MPO: variants seen among roughly 807,000 people sequenced by gnomAD.
MPO encodes myeloperoxidase.
MPO carries 57 observed loss-of-function variants against 69.4 expected under a neutral mutation model. The ratio of observed to expected loss-of-function variants is 0.82; its 90% CI spans 0.66 to 1.02. The LOEUF is 1.02. Among genes scored for constraint, MPO ranks in the 50% least tolerant of loss-of-function variants. The probability of loss-of-function intolerance (pLI) is 0.00; values close to 1 mark genes in which losing one functional copy is unlikely to be tolerated. For synonymous variants in MPO, 426 were observed against 417.1 expected (o/e 1.02, Z -0.26); for missense variants, 971 against 1,014.1 (o/e 0.96, Z 0.58).
rs376646525 is a variant in MPO at position 58,271,906 on chromosome 17, G to A, written c.1793-14C>T. The A allele has an allele frequency of 1.2e-6, 2 of 1,613,022 alleles. No individual in the cohort carries two copies. The highest frequency in any genetic ancestry group is 1.3e-5 in the African/African-American group (1 of 74,934). ...AGGCATTGTATCCTGCATGGGGGAG[G>A]GGACAGGTGGCTATGGGCAGGTCTC... On this transcript the variant is annotated splice_polypyrimidine_tract_variant and intron_variant, in intron 10 of 11. Transcript: ENST00000225275.
chr17:58,279,428 T>G lies in MPO; in HGVS notation c.549-2A>C. 1.2e-6 allele frequency: 2 copies of G among 1,610,934 alleles called. No homozygotes were observed. The highest frequency in any genetic ancestry group is 1.7e-6 in the Non-Finnish European group (2 of 1,178,918). ...GAGGCCCCCAGCGTGGGGCTGCGTC[T>G]GCAGGGGAGGACAGGGCGCTGACAC... On this transcript the variant is annotated splice_acceptor_variant, in intron 4 of 11. Coordinates refer to ENST00000225275, the MANE Select transcript of MPO (RefSeq NM_000250.2). LOFTEE classifies it high-confidence loss of function.
Position 58,280,405 on chromosome 17 carries a change from T to A in MPO, c.209A>T (p.Lys70Met), listed in dbSNP as rs764683005. Reference sequence around the variant, plus strand: ...CTTGTAGGCCTTGTCCACCAGCTGCTTGGCCTCCTCCATGGAGCTCAGCAC... The same window carrying A: ...CTTGTAGGCCTTGTCCACCAGCTGCATGGCCTCCTCCATGGAGCTCAGCAC... The part of the protein sequence containing the change: ...SLVLSSMEEA[K>M]QLVDKAYKER... The change falls in exon 2 of 12, where the codon AAG becomes ATG. Residue 70 changes from lysine to methionine, a missense_variant. Transcript: ENST00000225275. 4.3e-6 allele frequency: 7 copies of A among 1,614,114 alleles called. No individual in the cohort carries two copies. The highest frequency in any genetic ancestry group is 5.9e-6 in the Non-Finnish European group (7 of 1,180,000).
intron 8 of MPO, chr17:58,274,281 T>C (rs955972412): frequency 2.2e-6 from 1 of 458,136 alleles, no homozygotes; most frequent in African/African-American, 2.0e-5. Context: ...TGAATTTCAC[T>C]TGAGTTCTTA....
rs1224366988 is a variant in MPO, at chr17:58,280,934, T to A, written c.-176A>T. The A allele has an allele frequency of 1.4e-6, 1 of 693,152 alleles. No homozygotes were observed. The highest frequency in any genetic ancestry group is 1.8e-5 in the African/African-American group (1 of 55,438). 42.9% of individuals were successfully genotyped at this position (693,152 alleles called of 1,614,324 possible). A position where few individuals can be genotyped will look rare whatever the true frequency, so the allele number is the denominator to read the frequency against. ...CACCTCCACAGCTCACCTGATATTGTCAGCTCCTCTTAGCTCAATCTGCGC... is the reference window on the plus strand; with the variant it reads ...CACCTCCACAGCTCACCTGATATTGACAGCTCCTCTTAGCTCAATCTGCGC... On this transcript the variant is annotated 5_prime_UTR_variant, in exon 1 of 12. Transcript: ENST00000225275.
In MPO at chr17:58,278,445, T is replaced by C. The variant is rs564960249; in HGVS notation, c.886-300A>G. On this transcript the variant is annotated intron_variant, in intron 6 of 11. Coordinates refer to ENST00000225275, the MANE Select transcript of MPO (RefSeq NM_000250.2). ...CTCCCCTTCTCTCTGCTGTGCCTGCTCTCCCTCTGGCCCTGACATTCTCCT... is the reference window on the plus strand; with the variant it reads ...CTCCCCTTCTCTCTGCTGTGCCTGCCCTCCCTCTGGCCCTGACATTCTCCT... 2.0e-5 allele frequency among the ~76,000 whole-genome samples: 3 copies of C among 152,076 alleles called. No homozygotes were observed. The South Asian group carries it at 6.2e-4, about 32-fold the overall frequency.
intron 8 of MPO, chr17:58,274,114 G>T: frequency 4.3e-6 from 2 of 467,750 alleles, no homozygotes; most frequent in South Asian, 1.5e-5. Context: ...TGCCCACCAA[G>T]TGCCTGCCCA....
intron 3 of MPO, 69 bp downstream of exon 3, chr17:58,279,770 G>A (rs1467925948): frequency 1.2e-6 from 2 of 1,612,986 alleles, no homozygotes; most frequent in African/African-American, 1.3e-5. Flanking sequence ...GGATCACTGA[G>A]AGACGGCTGG....
At chr17:58,276,150 G>A (rs965704227) in intron 7 of MPO, among the ~76,000 whole-genome samples, 3 of 152,232 alleles carry the variant, frequency 2.0e-5, no homozygotes, top group South Asian at 2.1e-4. Flanking sequence ...TCCAAGGAGT[G>A]TCTGGGAAGA....
intron 6 of MPO, 163 bp downstream of exon 6, chr17:58,278,845 G>A (rs1970473318): frequency 1.1e-6 from 1 of 872,582 alleles, no homozygotes; most frequent in Non-Finnish European, 1.8e-6. Context: ...GCGCAGGAAG[G>A]AGACAGGTCA....
rs751674222 is a variant in MPO at position 58,279,992 on chromosome 17, C to T, written c.271G>A (p.Gly91Ser). 2.5e-6 allele frequency: 4 copies of T among 1,613,410 alleles called. No individual in the cohort carries two copies. Among genetic ancestry groups the T allele is most frequent in the Admixed American group, 3.3e-5 (2 of 60,026 alleles). The change falls in exon 3 of 12, where the codon GGC becomes AGC. Residue 91 changes from glycine to serine, a missense_variant. By Grantham distance (56) the Gly-to-Ser change is moderately conservative. Transcript: ENST00000225275. The stretch of plus-strand genomic sequence containing the variant: ...AGGAGTTCCATGGGGCTGGCTGAGC[C>T]GCTGCGAAGCCGCTGCTTGATGCTG... Reference protein sequence around the residue: ...RESIKQRLRSGSASPMELLSY... With the variant: ...RESIKQRLRSSSASPMELLSY...
At chr17:58,280,084 G>A (rs1970497186) in intron 2 of MPO, 70 bp from the exon 3 acceptor site, 1 of 1,593,246 alleles carries the variant, frequency 6.3e-7, no homozygotes, top group Non-Finnish European at 8.5e-7. Context: ...CCCAGCCCAG[G>A]GGCAGACATG....
intron 10 of MPO, among the ~76,000 whole-genome samples, chr17:58,272,245 G>A (rs55915315): frequency 6.6e-6 from 1 of 152,186 alleles, no homozygotes; most frequent in East Asian, 1.9e-4. Context: ...CCCATGAGAG[G>A]TGAAATGTGT....
intron 7 of MPO, among the ~76,000 whole-genome samples, chr17:58,276,696 C>T (rs774186859): frequency 5.9e-5 from 9 of 152,304 alleles, no homozygotes; most frequent in South Asian, 2.1e-4. Context: ...GCAGAAAGTC[C>T]GACCTGGATC....
At chr17:58,276,620 G>A (rs1270694744) in intron 7 of MPO, among the ~76,000 whole-genome samples, 2 of 152,220 alleles carry the variant, frequency 1.3e-5, no homozygotes, top group Admixed American at 1.3e-4. Context: ...CAGGCTGTGG[G>A]CAGCTGAGTC....
intron 11 of MPO, 128 bp downstream of exon 11, chr17:58,271,527 C>A: frequency 2.1e-6 from 2 of 966,076 alleles, no homozygotes; most frequent in Non-Finnish European, 3.2e-6. Context: ...CTGGAGGATT[C>A]CTGGAACACA....
At chr17:58,274,636 G>A (rs576992612) in intron 8 of MPO, among the ~76,000 whole-genome samples, 29 of 151,858 alleles carry the variant, frequency 1.9e-4, no homozygotes, top group African/African-American at 5.8e-4. Flanking sequence ...ACTGGGTAAC[G>A]TGGCGAAACC....
chr17:58,277,404 TA>T (rs781689816), intron 7 of MPO, among the ~76,000 whole-genome samples: 3 of 152,222 alleles, frequency 2.0e-5, no homozygotes, highest in Non-Finnish European at 2.9e-5. Context: ...TTAAAATAAC[TA>T]AAATTAAAAT....
rs1364259645 is a variant in MPO, at chr17:58,277,206, C to T, written c.1204+621G>A. Among the ~76,000 whole-genome samples, 4 of 152,102 alleles carry T rather than the reference C, an allele frequency of 2.6e-5. No homozygotes were observed. In the South Asian group the frequency reaches 6.2e-4, roughly 24 times the overall value. ...CAATTGTTTACATTTAAAATCCCAT[C>T]ATCTCTTATTATGGGTAATTAAGAT... On this transcript the variant is annotated intron_variant, in intron 7 of 11. Coordinates refer to ENST00000225275, the MANE Select transcript of MPO (RefSeq NM_000250.2).
At chr17:58,278,773 C>T (rs1970472403) in intron 6 of MPO, 4 of 608,792 alleles carry the variant, frequency 6.6e-6, no homozygotes, top group East Asian at 5.6e-5. Context: ...ACCCTCTCTC[C>T]CTTGGCCTGC....
Sources: gnomAD v4.1 joint callset for allele counts (sites outside exome capture counted in the v4.1 genomes callset) on GRCh38, gnomAD v4.1.1 for gene constraint, MANE v1.5 for transcripts, NCBI Gene and HGNC (gene_info 2026-07-23, HGNC 2026-07-21) for gene names.